PIAS1: variants seen among roughly 807,000 people sequenced by gnomAD.
PIAS1 encodes protein inhibitor of activated STAT 1.
PIAS1 carries 6 observed loss-of-function variants against 71.3 expected under a neutral mutation model. That is an observed-to-expected ratio of 0.08 (90% CI 0.05 to 0.17). The LOEUF is 0.17. PIAS1 is among the 10% of genes least tolerant of loss of function. The pLI is 1.00. For missense variants in PIAS1, 555 were observed against 793.6 expected (o/e 0.70, Z 3.61); for synonymous variants, 303 against 292.9 (o/e 1.03, Z -0.35).
chr15:68,149,405 T>G (rs747094953), intron 6 of PIAS1, among the ~76,000 whole-genome samples: 2 of 151,838 alleles, frequency 1.3e-5, no homozygotes, highest in Non-Finnish European at 2.9e-5. Context: ...TCCTCGCTCC[T>G]GTACCCCATT....
intron 1 of PIAS1, among the ~76,000 whole-genome samples, chr15:68,065,736 CTTTT>C (rs35947814): frequency 4.0e-5 from 4 of 99,568 alleles, no homozygotes; most frequent in Admixed American, 1.2e-4. Flanking sequence ...GCTTGAAGTA[CTTTT>C]TTTTTTTTTT....
At chr15:68,126,317 T>C (rs1399846432) in intron 2 of PIAS1, among the ~76,000 whole-genome samples, 3 of 152,240 alleles carry the variant, frequency 2.0e-5, no homozygotes, top group South Asian at 2.1e-4. Flanking sequence ...CTGGGAGATA[T>C]CCTGAACTTT....
intron 2 of PIAS1, among the ~76,000 whole-genome samples, chr15:68,100,259 A>G (rs1042115394): frequency 2.0e-5 from 3 of 152,200 alleles, no homozygotes; most frequent in African/African-American, 7.2e-5. Flanking sequence ...TAACATTGGT[A>G]CAATACACAG....
chr15:68,056,517 G>GT (rs968011775), intron 1 of PIAS1, among the ~76,000 whole-genome samples: 25 of 149,872 alleles, frequency 1.7e-4, no homozygotes, highest in Admixed American at 3.3e-4. Flanking sequence ...TCCAGAGGAA[G>GT]TTTTTTTTTT....
chr15:68,144,672 T>G (rs2141050870), intron 4 of PIAS1, among the ~76,000 whole-genome samples: 1 of 152,088 alleles, frequency 6.6e-6, no homozygotes, highest in South Asian at 2.1e-4. Flanking sequence ...GGGTTAGGAG[T>G]GGTCCTGTGA....
intron 1 of PIAS1, among the ~76,000 whole-genome samples, chr15:68,071,210 C>A (rs1425207494): frequency 7.6e-6 from 1 of 132,282 alleles, no homozygotes; most frequent in African/African-American, 2.7e-5. Context: ...ACCCCCGCCC[C>A]CCCGCCCCTA....
intron 11 of PIAS1, among the ~76,000 whole-genome samples, chr15:68,180,261 G>T (rs181898460): frequency 1.4e-3 from 209 of 152,032 alleles, no homozygotes; most frequent in Middle Eastern, 3.4e-3. Flanking sequence ...ACCAGGCCTG[G>T]CTAAGCTTTT....
At chr15:68,132,334 G>T (rs1175150316) in intron 2 of PIAS1, among the ~76,000 whole-genome samples, 2 of 152,060 alleles carry the variant, frequency 1.3e-5, no homozygotes, top group Non-Finnish European at 2.9e-5. Flanking sequence ...AAAAATCAGG[G>T]CGTGGTGGCC....
intron 6 of PIAS1, among the ~76,000 whole-genome samples, chr15:68,148,608 T>C (rs372733315): frequency 1.3e-5 from 2 of 152,104 alleles, no homozygotes; most frequent in South Asian, 4.1e-4. Context: ...TTTGTATTTT[T>C]AGTAGAGATG....
chr15:68,152,767 TGATCCTTCTCATTTA>T (rs2092856767), intron 6 of PIAS1, among the ~76,000 whole-genome samples: 1 of 152,342 alleles, frequency 6.6e-6, no homozygotes, highest in South Asian at 2.1e-4. Context: ...AAATAGAAAC[TGATCCTTCTCATTTA>T]GATCTCCTTC....
chr15:68,187,843 G>A lies in PIAS1; in HGVS notation c.*8G>A, dbSNP rs2093098218. 2 of 1,608,918 alleles carry A rather than the reference G, an allele frequency of 1.2e-6. No individual in the cohort carries two copies. The highest frequency in any genetic ancestry group is 1.7e-6 in the Non-Finnish European group (2 of 1,177,286). On this transcript the variant is annotated 3_prime_UTR_variant, in exon 14 of 14. Coordinates refer to ENST00000249636, the MANE Select transcript of PIAS1 (RefSeq NM_016166.3). The surrounding 1 kb of genome is among the most constrained non-coding windows in gnomAD (Gnocchi z 5.3). ...ATTATTTCATTGGACTGATTCCCAG[G>A]CCCTGCTGCTCCCATCCCCACCCCA...
chr15:68,112,025 G>A (rs886958312), intron 2 of PIAS1, among the ~76,000 whole-genome samples: 3 of 152,016 alleles, frequency 2.0e-5, no homozygotes, highest in Admixed American at 6.6e-5. Flanking sequence ...ATTACTTTGC[G>A]TTTTATTTCT....
chr15:68,141,894 C>A, intron 2 of PIAS1, 52 bp from the exon 3 acceptor site: 9 of 1,075,398 alleles, frequency 8.4e-6, no homozygotes, highest in South Asian at 1.6e-5. Context: ...TTGCTTTTGT[C>A]TTTACTGGCG....
intron 8 of PIAS1, among the ~76,000 whole-genome samples, chr15:68,166,137 T>A (rs2092956455): frequency 6.6e-6 from 1 of 152,130 alleles, no homozygotes; most frequent in African/African-American, 2.4e-5. Context: ...ATCATCAAAT[T>A]GTATCATTGT....
rs143302436 is a variant in PIAS1, at chr15:68,104,360, T to C, written c.469+17610T>C. Among the ~76,000 whole-genome samples, 538 of 152,288 alleles carry C rather than the reference T, an allele frequency of 3.5e-3. 10 individuals carry two copies. Among genetic ancestry groups the C allele is most frequent in the Admixed American group, 0.026 (390 of 15,286 alleles). On this transcript the variant is annotated intron_variant, in intron 2 of 13. Coordinates refer to ENST00000249636, the MANE Select transcript of PIAS1 (RefSeq NM_016166.3). ...TTTTATTTTCTAATGGTTTGGGAGT[T>C]CTGCCTTCTATTTCTGTAGGTAGTT...
intron 1 of PIAS1, among the ~76,000 whole-genome samples, chr15:68,069,278 ATTC>A (rs2092066111): frequency 1.3e-5 from 2 of 152,148 alleles, no homozygotes; most frequent in Non-Finnish European, 2.9e-5. Flanking sequence ...TATAATAAGT[ATTC>A]TTTGTGGCTA....
At position 68,181,339 on chromosome 15, in the gene PIAS1, C is replaced by G. The variant is rs2093052376; in HGVS notation, c.1609C>G (p.Pro537Ala). ...YRHPFHMTPM[P>A]YDLQGLDFFP... The stretch of plus-strand genomic sequence containing the variant: ...GCATCCTTTCCACATGACACCCATG[C>G]CTTACGACTTACAAGGTGAGTCACT... Residue 537 changes from proline (P) to alanine (A), a missense_variant, in exon 12 of 14, where the codon CCT becomes GCT. Around this residue, in one of 5 missense-constraint regions of PIAS1, gnomAD observed 244 missense variants for 307.5 expected, o/e 0.79. Coordinates refer to ENST00000249636, the MANE Select transcript of PIAS1 (RefSeq NM_016166.3). 6.2e-7 allele frequency: 1 copy of G among 1,613,658 alleles called. No homozygotes were observed. Among genetic ancestry groups the G allele is most frequent in the East Asian group, 2.2e-5 (1 of 44,870 alleles).
At chr15:68,075,292 G>T (rs1464167745) in intron 1 of PIAS1, among the ~76,000 whole-genome samples, 4 of 151,620 alleles carry the variant, frequency 2.6e-5, no homozygotes, top group Non-Finnish European at 5.9e-5. Context: ...CACCATGCTG[G>T]CCAGGCTGGT....
rs966212376 is a variant in PIAS1, at chr15:68,150,531, A to T, written c.829-3059A>T. Among the ~76,000 whole-genome samples, 3 of 152,210 alleles carry T rather than the reference A, an allele frequency of 2.0e-5. No individual in the cohort carries two copies. In the East Asian group the frequency reaches 5.8e-4, roughly 29 times the overall value. On this transcript the variant is annotated intron_variant, in intron 6 of 13. Transcript: ENST00000249636. ...TACTATTTTGCAGATACTTTTGTAT[A>T]AATAGTTGCCAGTGAGAAATGTTGC...
Sources: allele counts gnomAD v4.1 joint callset (sites outside exome capture counted in the v4.1 genomes callset), GRCh38; gene constraint gnomAD v4.1.1; regional missense constraint gnomAD v4.1.1; non-coding constraint Gnocchi (gnomAD v3.1); transcripts MANE v1.5; gene names NCBI Gene and HGNC (gene_info 2026-07-23, HGNC 2026-07-21).